The following LPP variants were observed in gnomAD, a reference collection of about 807,000 sequenced individuals.
LPP encodes lipoma-preferred partner.
A neutral mutation model predicts 60.4 loss-of-function variants in LPP; 38 were observed. That is an observed-to-expected ratio of 0.63 (90% CI 0.49 to 0.83). LPP has a LOEUF of 0.83. LPP is among the 40% of genes least tolerant of loss of function. The probability of loss-of-function intolerance (pLI) is 0.00; values close to 1 mark genes in which losing one functional copy is unlikely to be tolerated. For synonymous variants in LPP, 328 were observed against 290.8 expected, an observed-to-expected ratio of 1.13 and a Z score of -1.30; for missense variants, 902 against 783.6, an observed-to-expected ratio of 1.15 and a Z score of -1.80.
intron 7 of LPP, among the ~76,000 whole-genome samples, chr3:188,700,401 T>C (rs1864167264): frequency 6.6e-6 from 1 of 152,176 alleles, no homozygotes; most frequent in Non-Finnish European, 1.5e-5. Flanking sequence ...ATCCATTTTG[T>C]AAATTGGATC....
chr3:188,416,378 G>C (rs925108611), intron 4 of LPP, among the ~76,000 whole-genome samples: 6 of 152,140 alleles, frequency 3.9e-5, no homozygotes, highest in Non-Finnish European at 8.8e-5. Flanking sequence ...AAAATATCTG[G>C]CCATGGGGCC....
chr3:188,633,461 C>T (rs990622306), intron 7 of LPP, among the ~76,000 whole-genome samples: 9 of 152,220 alleles, frequency 5.9e-5, no homozygotes, highest in African/African-American at 1.9e-4. Context: ...TATTAGCACA[C>T]CTCTCGATGA....
intron 1 of LPP, among the ~76,000 whole-genome samples, chr3:188,202,468 T>C (rs1178491809): frequency 6.6e-6 from 1 of 152,210 alleles, no homozygotes; most frequent in Non-Finnish European, 1.5e-5. Flanking sequence ...GTGAGGCCCA[T>C]AAGCCATGAG....
chr3:188,762,216 C>T (rs1280957281), intron 9 of LPP, among the ~76,000 whole-genome samples: 2 of 152,128 alleles, frequency 1.3e-5, no homozygotes, highest in Admixed American at 1.3e-4. Context: ...CACTTAGTGC[C>T]TCCCCTCCTT....
At chr3:188,762,550 T>A (rs548066406) in intron 9 of LPP, among the ~76,000 whole-genome samples, 1 of 152,322 alleles carries the variant, frequency 6.6e-6, no homozygotes, top group East Asian at 1.9e-4. Context: ...GGAGAAGGTC[T>A]AATCTGATTA....
rs1348527946 is a variant in LPP, at chr3:188,373,222, A to G, written c.-10+31503A>G. 2.6e-5 allele frequency among the ~76,000 whole-genome samples: 4 copies of G among 152,364 alleles called. No individual in the cohort carries two copies. The East Asian group carries it at 7.7e-4, about 29-fold the overall frequency. Reference sequence around the variant, plus strand: ...TTTATAATCCTTTGGGTATAAACCCAGTAATGGGATGGCTGGGTCAAATGG... The same window carrying G: ...TTTATAATCCTTTGGGTATAAACCCGGTAATGGGATGGCTGGGTCAAATGG... On this transcript the variant is annotated intron_variant, in intron 3 of 11. Coordinates refer to ENST00000617246, the MANE Select transcript of LPP (RefSeq NM_001375462.1).
At chr3:188,700,077 A>G (rs1247640862) in intron 7 of LPP, among the ~76,000 whole-genome samples, 1 of 152,164 alleles carries the variant, frequency 6.6e-6, no homozygotes, top group African/African-American at 2.4e-5. Context: ...AATTGAAGTT[A>G]TTTTCCCTCT....
At chr3:188,351,865 C>A (rs535238771) in intron 3 of LPP, among the ~76,000 whole-genome samples, 5 of 152,062 alleles carry the variant, frequency 3.3e-5, no homozygotes, top group Non-Finnish European at 7.4e-5. Context: ...TGTGGTCACC[C>A]GAGTGTACCA....
At chr3:188,756,667 ACTGATGTGTGGGG>A (rs1243839666) in intron 8 of LPP, among the ~76,000 whole-genome samples, 1 of 152,044 alleles carries the variant, frequency 6.6e-6, no homozygotes, top group Non-Finnish European at 1.5e-5. Flanking sequence ...TTTCTGTCCT[ACTGATGTGTGGGG>A]CTATTTTTAT....
chr3:188,300,566 T>C (rs553745200), intron 2 of LPP, among the ~76,000 whole-genome samples: 1 of 151,720 alleles, frequency 6.6e-6, no homozygotes, highest in Non-Finnish European at 1.5e-5. Flanking sequence ...AAGATCTCAG[T>C]TAAGGTAAAA....
intron 9 of LPP, among the ~76,000 whole-genome samples, chr3:188,837,555 A>G (rs1758806478): frequency 6.6e-6 from 1 of 152,078 alleles, no homozygotes; most frequent in Non-Finnish European, 1.5e-5. Context: ...AGTCACCCTC[A>G]TCAGCAACTG....
chr3:188,755,638 T>C (rs1729891192), intron 8 of LPP, among the ~76,000 whole-genome samples: 1 of 151,344 alleles, frequency 6.6e-6, no homozygotes, highest in Non-Finnish European at 1.5e-5. Context: ...ACCCTATCTG[T>C]ACAGGAAAAT....
intron 8 of LPP, among the ~76,000 whole-genome samples, chr3:188,729,432 G>A (rs1455372307): frequency 3.3e-5 from 5 of 152,146 alleles, no homozygotes; most frequent in African/African-American, 1.2e-4. Flanking sequence ...AAACTGAAGG[G>A]ATAACCATTT....
At position 188,678,709 on chromosome 3, in the gene LPP, C is replaced by A. The variant is rs142267883; in HGVS notation, c.1114-29558C>A. Among the ~76,000 whole-genome samples, 44 of 152,202 alleles carry A rather than the reference C, an allele frequency of 2.9e-4. No homozygotes were observed. The Middle Eastern group carries it at 0.014, about 47-fold the overall frequency. ...TTTTGGGCACCCTCAATGGCCCATT[C>A]GCTGTGTTGGATGTGATGAGGGATA... On this transcript the variant is annotated intron_variant, in intron 7 of 11. Transcript: ENST00000617246.
At position 188,593,382 on chromosome 3, in the gene LPP, G is replaced by T. The variant is rs375670526; in HGVS notation, c.430-15779G>T. On this transcript the variant is annotated intron_variant, in intron 6 of 11. Transcript: ENST00000617246. ...AAATTAAGTAAAGAGAGGAAAATGA[G>T]GAATAATTTCATACTTTAATATATT... 1.6e-4 allele frequency among the ~76,000 whole-genome samples: 24 copies of T among 151,794 alleles called. No homozygotes were observed. The South Asian group carries it at 4.8e-3, about 30-fold the overall frequency.
At chr3:188,806,077 G>C (rs1749040243) in intron 9 of LPP, among the ~76,000 whole-genome samples, 1 of 151,750 alleles carries the variant, frequency 6.6e-6, no homozygotes, top group East Asian at 1.9e-4. Context: ...TTCTATAGTT[G>C]TCAATTAGGT....
chr3:188,718,210 C>T (rs765055825), intron 8 of LPP, among the ~76,000 whole-genome samples: 26 of 152,170 alleles, frequency 1.7e-4, no homozygotes, highest in Non-Finnish European at 2.8e-4. Flanking sequence ...GAAAATCCTT[C>T]ATTTTCTAGA....
chr3:188,306,740 G>A (rs755070072), intron 2 of LPP, among the ~76,000 whole-genome samples: 5 of 152,160 alleles, frequency 3.3e-5, no homozygotes, highest in Non-Finnish European at 5.9e-5. Context: ...GCCGCTTGGC[G>A]CTAGCTAATT....
chr3:188,450,937 A>G lies in LPP; in HGVS notation c.194-33655A>G, dbSNP rs993594342. Reference sequence around the variant, plus strand: ...AAATGTACTGTCGTGAGCATTTTGTATATGTGTTCTTAATGATTGGCAGAA... The same window carrying G: ...AAATGTACTGTCGTGAGCATTTTGTGTATGTGTTCTTAATGATTGGCAGAA... On this transcript the variant is annotated intron_variant, in intron 4 of 11. Coordinates refer to ENST00000617246, the MANE Select transcript of LPP (RefSeq NM_001375462.1). 3.3e-5 allele frequency among the ~76,000 whole-genome samples: 5 copies of G among 152,084 alleles called. No individual in the cohort carries two copies. In the East Asian group the frequency reaches 7.7e-4, roughly 23 times the overall value.
Sources: allele counts gnomAD v4.1 joint callset (sites outside exome capture counted in the v4.1 genomes callset), GRCh38; gene constraint gnomAD v4.1.1; transcripts MANE v1.5; gene names NCBI Gene and HGNC (gene_info 2026-07-23, HGNC 2026-07-21).